INPP4B: variants seen among roughly 807,000 people sequenced by gnomAD.
INPP4B encodes inositol polyphosphate 4-phosphatase type II.
A neutral mutation model predicts 122.5 loss-of-function variants in INPP4B; 55 were observed. The observed-to-expected ratio is 0.45, with a 90% CI of 0.36 to 0.56. INPP4B has a LOEUF of 0.56. Ranked by LOEUF, INPP4B falls within the 20% of genes least tolerant of loss-of-function variation. INPP4B has a pLI of 0.00. For synonymous variants in INPP4B, 403 were observed against 388.7 expected, an observed-to-expected ratio of 1.04 and a Z score of -0.43; for missense variants, 1,000 against 1,097.7, an observed-to-expected ratio of 0.91 and a Z score of 1.26.
intron 3 of INPP4B, among the ~76,000 whole-genome samples, chr4:142,448,492 A>G (rs1045567424): frequency 1.3e-5 from 2 of 152,238 alleles, no homozygotes; most frequent in Non-Finnish European, 2.9e-5. Flanking sequence ...CACAATGTCA[A>G]ATCACTTAAA....
At chr4:142,477,626 A>T (rs1429731813) in intron 2 of INPP4B, among the ~76,000 whole-genome samples, 1 of 152,024 alleles carries the variant, frequency 6.6e-6, no homozygotes, top group Non-Finnish European at 1.5e-5. Flanking sequence ...AATACAAAAA[A>T]CTCTCAGAGA....
At chr4:142,658,645 T>G (rs531256264) in intron 2 of INPP4B, among the ~76,000 whole-genome samples, 1 of 152,358 alleles carries the variant, frequency 6.6e-6, no homozygotes, top group African/African-American at 2.4e-5. Context: ...CCATTTTTCT[T>G]TTGCAGCAGG....
At chr4:142,554,062 G>A (rs554566965) in intron 2 of INPP4B, among the ~76,000 whole-genome samples, 68 of 151,834 alleles carry the variant, frequency 4.5e-4, no homozygotes, top group Non-Finnish European at 6.9e-4. Context: ...GGTGGCCAGC[G>A]CCTGTAATCC....
chr4:142,295,752 C>CA (rs1758427661), intron 9 of INPP4B, among the ~76,000 whole-genome samples: 1 of 143,776 alleles, frequency 7.0e-6, no homozygotes, highest in Non-Finnish European at 1.5e-5. Flanking sequence ...TTTTTCTTTT[C>CA]TTTTTTTTTT....
At chr4:142,504,425 GT>G (rs1201457648) in intron 2 of INPP4B, among the ~76,000 whole-genome samples, 1 of 152,104 alleles carries the variant, frequency 6.6e-6, no homozygotes, top group East Asian at 1.9e-4. Context: ...AAGATGACTT[GT>G]TTTTTGGAAA....
At chr4:142,403,269 C>A (rs1220216136) in intron 6 of INPP4B, among the ~76,000 whole-genome samples, 1 of 152,292 alleles carries the variant, frequency 6.6e-6, no homozygotes, top group Middle Eastern at 3.4e-3. Context: ...AGTAAATGAA[C>A]CTGCATCATT....
chr4:142,395,381 T>C (rs568971650), intron 7 of INPP4B, among the ~76,000 whole-genome samples: 2 of 152,314 alleles, frequency 1.3e-5, no homozygotes, highest in East Asian at 3.9e-4. Context: ...TTACCCGCAT[T>C]CTAACACTGA....
In INPP4B at chr4:142,283,135, A is replaced by G. The variant is rs114933118; in HGVS notation, c.504-12361T>C. ...CCGATTTTAGTTTTATTTTTAAGGTAGAGCTAATAAGATACTGTGACTGAC... is the reference window on the plus strand; with the variant it reads ...CCGATTTTAGTTTTATTTTTAAGGTGGAGCTAATAAGATACTGTGACTGAC... On this transcript the variant is annotated intron_variant, in intron 9 of 25. Transcript: ENST00000262992. 3.1e-3 allele frequency among the ~76,000 whole-genome samples: 465 copies of G among 152,214 alleles called. 1 individual carries two copies. Among genetic ancestry groups the G allele is most frequent in the African/African-American group, 0.011 (446 of 41,552 alleles).
chr4:142,391,890 T>C (rs940791700), intron 7 of INPP4B, among the ~76,000 whole-genome samples: 4 of 152,212 alleles, frequency 2.6e-5, no homozygotes, highest in Non-Finnish European at 5.9e-5. Flanking sequence ...TTTATTCAAT[T>C]GTCATTTTCA....
In INPP4B at chr4:142,743,850, G is replaced by A. The variant is rs897839630; in HGVS notation, c.-253-17949C>T. On this transcript the variant is annotated intron_variant, in intron 1 of 25. Transcript: ENST00000262992. ...ACAAAATGTATACCCTGGGATACATGAGTTCAAGGTGATCATCTACTAAAC... is the reference window on the plus strand; with the variant it reads ...ACAAAATGTATACCCTGGGATACATAAGTTCAAGGTGATCATCTACTAAAC... 3.3e-5 allele frequency among the ~76,000 whole-genome samples: 5 copies of A among 151,810 alleles called. No individual in the cohort carries two copies. The East Asian group carries it at 9.7e-4, about 29-fold the overall frequency.
chr4:142,562,068 C>T (rs1483614847), intron 2 of INPP4B, among the ~76,000 whole-genome samples: 2 of 151,944 alleles, frequency 1.3e-5, no homozygotes, highest in Admixed American at 6.6e-5. Flanking sequence ...TATAAAAGGG[C>T]AGTTCTGACC....
chr4:142,150,498 A>G (rs1188123611), intron 17 of INPP4B, among the ~76,000 whole-genome samples: 1 of 152,202 alleles, frequency 6.6e-6, no homozygotes. Context: ...CAATGGAGCC[A>G]AATTGGTGTA....
At chr4:142,460,475 A>G (rs1392860279) in intron 3 of INPP4B, among the ~76,000 whole-genome samples, 2 of 152,144 alleles carry the variant, frequency 1.3e-5, no homozygotes, top group African/African-American at 2.4e-5. Flanking sequence ...CGGCTGGAAT[A>G]TGATGTTTTT....
chr4:142,679,385 T>C (rs944964370), intron 2 of INPP4B, among the ~76,000 whole-genome samples: 14 of 152,036 alleles, frequency 9.2e-5, no homozygotes, highest in Non-Finnish European at 1.9e-4. Context: ...TGTCCTCTGG[T>C]AAAGTCTTGC....
intron 23 of INPP4B, among the ~76,000 whole-genome samples, chr4:142,090,821 G>C (rs1410359505): frequency 1.3e-5 from 2 of 151,736 alleles, no homozygotes; most frequent in Admixed American, 6.6e-5. Context: ...TGTTCATAAA[G>C]AGTAAGAATA....
chr4:142,693,637 G>T (rs937220543), intron 2 of INPP4B, among the ~76,000 whole-genome samples: 2 of 151,062 alleles, frequency 1.3e-5, no homozygotes, highest in Non-Finnish European at 2.9e-5. Flanking sequence ...TTTATTTGAG[G>T]TGCTTTTCCT....
chr4:142,238,570 CTT>C (rs1857666638), intron 11 of INPP4B, among the ~76,000 whole-genome samples: 1 of 151,996 alleles, frequency 6.6e-6, no homozygotes, highest in Non-Finnish European at 1.5e-5. Flanking sequence ...AAGGTTCACT[CTT>C]TTGTCTTAAA....
At chr4:142,398,445 TA>T (rs1554048511) in intron 7 of INPP4B, among the ~76,000 whole-genome samples, 5 of 74,554 alleles carry the variant, frequency 6.7e-5, no homozygotes, top group East Asian at 4.4e-4. Flanking sequence ...TATATATATA[TA>T]AAACATATTA....
chr4:142,637,933 G>T (rs1460909211), intron 2 of INPP4B, among the ~76,000 whole-genome samples: 1 of 152,092 alleles, frequency 6.6e-6, no homozygotes, highest in Admixed American at 6.6e-5. Flanking sequence ...TAATTTTGCA[G>T]TTCTCTAATG....
Sources: gnomAD v4.1 joint callset for allele counts (sites outside exome capture counted in the v4.1 genomes callset) on GRCh38, gnomAD v4.1.1 for gene constraint, MANE v1.5 for transcripts, NCBI Gene and HGNC (gene_info 2026-07-23, HGNC 2026-07-21) for gene names.